NPFFR2: variants seen among roughly 807,000 people sequenced by gnomAD.
NPFFR2 encodes the protein G-protein coupled receptor 74.
NPFFR2 carries 15 observed loss-of-function variants against 13.1 expected under a neutral mutation model. The observed-to-expected ratio is 1.15, with a 90% CI of 0.77 to 1.76. NPFFR2 has a LOEUF of 1.76. Among genes scored for constraint, NPFFR2 ranks in the 40% most tolerant of loss-of-function variants. The probability of loss-of-function intolerance (pLI) is 0.00; values close to 1 mark genes in which losing one functional copy is unlikely to be tolerated. For synonymous variants in NPFFR2, 190 were observed against 175.7 expected, an observed-to-expected ratio of 1.08 and a Z score of -0.65; for missense variants, 572 against 503.5, an observed-to-expected ratio of 1.14 and a Z score of -1.30.
intron 1 of NPFFR2, among the ~76,000 whole-genome samples, chr4:72,050,130 C>T (rs1258065334): frequency 6.6e-6 from 1 of 151,956 alleles, no homozygotes; most frequent in African/African-American, 2.4e-5. Flanking sequence ...TATCCTAATC[C>T]TTCATGAATG....
chr4:72,145,806 C>T (rs1383549121), intron 3 of NPFFR2, among the ~76,000 whole-genome samples: 1 of 152,054 alleles, frequency 6.6e-6, no homozygotes, highest in Non-Finnish European at 1.5e-5. Flanking sequence ...CATAACATTT[C>T]AGTTTTATGG....
intron 2 of NPFFR2, among the ~76,000 whole-genome samples, chr4:72,130,609 A>G (rs1018890487): frequency 6.6e-6 from 1 of 152,132 alleles, no homozygotes; most frequent in Non-Finnish European, 1.5e-5. Context: ...GGGACTGGTG[A>G]AGGGGCGGCT....
chr4:72,052,572 T>C (rs1292217355), intron 1 of NPFFR2, among the ~76,000 whole-genome samples: 1 of 152,100 alleles, frequency 6.6e-6, no homozygotes, highest in Non-Finnish European at 1.5e-5. Context: ...AGCATTCCCT[T>C]TGAAAACTGG....
intron 1 of NPFFR2, among the ~76,000 whole-genome samples, chr4:72,045,822 A>G (rs1193552242): frequency 6.6e-6 from 1 of 152,174 alleles, no homozygotes; most frequent in Non-Finnish European, 1.5e-5. Context: ...ACATGATCAT[A>G]AAGTAGAAAA....
At chr4:72,070,852 T>G (rs769830490) in intron 1 of NPFFR2, among the ~76,000 whole-genome samples, 2 of 152,188 alleles carry the variant, frequency 1.3e-5, no homozygotes, top group Non-Finnish European at 2.9e-5. Flanking sequence ...ACGTATTGTA[T>G]ACTTGTAATG....
At chr4:72,065,444 A>AAAGT (rs1720038099) in intron 1 of NPFFR2, among the ~76,000 whole-genome samples, 1 of 152,238 alleles carries the variant, frequency 6.6e-6, no homozygotes, top group Admixed American at 6.5e-5. Flanking sequence ...TCTCAAAAAG[A>AAAGT]CTTTCTTCTC....
At chr4:72,136,125 A>G (rs72857470) in intron 2 of NPFFR2, among the ~76,000 whole-genome samples, 5,612 of 152,194 alleles carry the variant, frequency 0.037, 339 homozygotes, top group African/African-American at 0.13. Flanking sequence ...GGAGGCCAAG[A>G]TGAGAGGATT....
chr4:72,059,853 C>G (rs1485919524), intron 1 of NPFFR2, among the ~76,000 whole-genome samples: 1 of 152,094 alleles, frequency 6.6e-6, no homozygotes, highest in African/African-American at 2.4e-5. Context: ...CCGTAAGTCT[C>G]CGCTATAACT....
chr4:72,095,031 A>G (rs566042472), intron 1 of NPFFR2, among the ~76,000 whole-genome samples: 27 of 152,260 alleles, frequency 1.8e-4, no homozygotes, highest in Non-Finnish European at 3.4e-4. Flanking sequence ...ACTAAAAATT[A>G]TAACTAATAA....
At chr4:72,086,517 G>A (rs2109797728) in intron 1 of NPFFR2, among the ~76,000 whole-genome samples, 1 of 152,094 alleles carries the variant, frequency 6.6e-6, no homozygotes, top group South Asian at 2.1e-4. Context: ...TTAAGTAAGG[G>A]TCTTGTGAAA....
At chr4:72,084,830 G>A (rs887605291) in intron 1 of NPFFR2, among the ~76,000 whole-genome samples, 1 of 152,064 alleles carries the variant, frequency 6.6e-6, no homozygotes, top group Non-Finnish European at 1.5e-5. Context: ...TTTACTCAGA[G>A]AGCTCTTTTC....
At chr4:72,109,369 G>T (rs1721501900) in intron 1 of NPFFR2, among the ~76,000 whole-genome samples, 1 of 151,926 alleles carries the variant, frequency 6.6e-6, no homozygotes, top group Non-Finnish European at 1.5e-5. Flanking sequence ...CATATGAGTG[G>T]AATCATGTAG....
intron 1 of NPFFR2, among the ~76,000 whole-genome samples, chr4:72,046,264 AT>A (rs1719379169): frequency 6.6e-6 from 1 of 152,174 alleles, no homozygotes; most frequent in East Asian, 1.9e-4. Flanking sequence ...TTGAAATTTA[AT>A]TGCCAATATA....
chr4:72,092,382 T>A (rs1720937602), intron 1 of NPFFR2, among the ~76,000 whole-genome samples: 1 of 152,088 alleles, frequency 6.6e-6, no homozygotes, highest in Non-Finnish European at 1.5e-5. Flanking sequence ...TTAAGTCCAT[T>A]GTTTCTTTGT....
chr4:72,038,901 CTTTCTTTTTT>C (rs1719114841), intron 1 of NPFFR2, among the ~76,000 whole-genome samples: 3 of 86,918 alleles, frequency 3.5e-5, no homozygotes, highest in Non-Finnish European at 4.5e-5. Flanking sequence ...TTTAAATTTC[CTTTCTTTTTT>C]TTTTTTTTTT....
intron 1 of NPFFR2, among the ~76,000 whole-genome samples, chr4:72,077,869 C>G (rs1343668307): frequency 6.6e-6 from 1 of 151,992 alleles, no homozygotes; most frequent in Non-Finnish European, 1.5e-5. Flanking sequence ...AGATTTGCCT[C>G]AACAAATTTT....
intron 1 of NPFFR2, among the ~76,000 whole-genome samples, chr4:72,040,000 A>C (rs1301573519): frequency 2.6e-5 from 4 of 152,158 alleles, no homozygotes; most frequent in African/African-American, 9.6e-5. Context: ...CTTCTTGTGT[A>C]AATCATTTAT....
At chr4:72,057,660 A>G (rs1161865678) in intron 1 of NPFFR2, among the ~76,000 whole-genome samples, 1 of 152,024 alleles carries the variant, frequency 6.6e-6, no homozygotes, top group African/African-American at 2.4e-5. Context: ...TCACATACAT[A>G]GATTCCAGGT....
chr4:72,111,360 G>A (rs1721562339), intron 1 of NPFFR2, among the ~76,000 whole-genome samples: 1 of 151,958 alleles, frequency 6.6e-6, no homozygotes, highest in Non-Finnish European at 1.5e-5. Context: ...AAATTGAGAT[G>A]GAGAAGAAAG....
Sources: gnomAD v4.1 joint callset for allele counts (sites outside exome capture counted in the v4.1 genomes callset) on GRCh38, gnomAD v4.1.1 for gene constraint, MANE v1.5 for transcripts, NCBI Gene and HGNC (gene_info 2026-07-23, HGNC 2026-07-21) for gene names.